The following PCDHA1 variants were observed in gnomAD, a reference collection of about 807,000 sequenced individuals.
PCDHA1 encodes the protein protocadherin alpha-1.
Under a neutral mutation model 61.3 loss-of-function variants are expected in PCDHA1, and 42 were observed. The ratio of observed to expected loss-of-function variants is 0.69; its 90% CI spans 0.54 to 0.89. The LOEUF is 0.89. Ranked by LOEUF, PCDHA1 falls within the 40% of genes least tolerant of loss-of-function variation. PCDHA1 has a pLI of 0.00. For synonymous variants in PCDHA1, 610 were observed against 553.8 expected, an observed-to-expected ratio of 1.10 and a Z score of -1.43; for missense variants, 1,256 against 1,235.3, an observed-to-expected ratio of 1.02 and a Z score of -0.25.
At chr5:140,960,764 A>C (rs1383623742) in intron 1 of PCDHA1, among the ~76,000 whole-genome samples, 7 of 152,164 alleles carry the variant, frequency 4.6e-5, no homozygotes, top group African/African-American at 1.7e-4. Flanking sequence ...CAAGAGTTAC[A>C]GAGGAGAAAT....
At chr5:140,829,296 A>G in intron 1 of PCDHA1, 6 of 1,614,222 alleles carry the variant, frequency 3.7e-6, no homozygotes, top group Non-Finnish European at 5.1e-6. Context: ...TCCACCTTCA[A>G]GAATTACTAC....
intron 1 of PCDHA1, chr5:140,882,163 GC>G: frequency 6.6e-7 from 1 of 1,509,690 alleles, no homozygotes; most frequent in Non-Finnish European, 8.9e-7. Flanking sequence ...AATACCTCTT[GC>G]GAATCCTTCC....
chr5:140,821,197 A>G (rs1554128037), intron 1 of PCDHA1, among the ~76,000 whole-genome samples: 1 of 152,198 alleles, frequency 6.6e-6, no homozygotes, highest in Non-Finnish European at 1.5e-5. Flanking sequence ...AAAAAACTCA[A>G]AAGTTTTAAT....
At chr5:140,841,515 G>T (rs2150317088) in intron 1 of PCDHA1, 6 of 1,606,628 alleles carry the variant, frequency 3.7e-6, no homozygotes, top group Middle Eastern at 3.5e-4. Context: ...CGCCTGTTCC[G>T]GGTGGCGTCC....
intron 1 of PCDHA1, chr5:140,877,824 A>G (rs1554170141): frequency 1.9e-6 from 3 of 1,602,118 alleles, no homozygotes; most frequent in Non-Finnish European, 2.6e-6. Flanking sequence ...AAGATTGTTT[A>G]AATCCTCCCA....
At chr5:140,853,047 T>C in intron 1 of PCDHA1, 1 of 270,060 alleles carries the variant, frequency 3.7e-6, no homozygotes, top group Non-Finnish European at 5.9e-6. Context: ...CCCGCCTAAT[T>C]TTTTTGTATT....
intron 1 of PCDHA1, among the ~76,000 whole-genome samples, chr5:140,938,314 T>C (rs1026606524): frequency 2.0e-5 from 3 of 152,220 alleles, no homozygotes; most frequent in Non-Finnish European, 2.9e-5. Flanking sequence ...AGTATAAAAT[T>C]GAATAGAAGT....
In PCDHA1 at chr5:140,847,905, T is replaced by C. The variant is rs2150241062; in HGVS notation, c.2394+59221T>C. 2 of 150,078 alleles carry C rather than the reference T, an allele frequency of 1.3e-5. 1 individual carries two copies. The highest frequency in any genetic ancestry group is 4.2e-4 in the South Asian group (2 of 4,724). The allele number at this position is 150,078 out of a possible 1,614,324, so 9.3% of individuals were successfully genotyped here. A position where few individuals can be genotyped will look rare whatever the true frequency, so the allele number is the denominator to read the frequency against. ...AGTTTCTTTTTCATCAGTAGATTTC[T>C]GGGCTCCTATATTCACTAGAGATTG... is the stretch of plus-strand genomic sequence containing the variant. On this transcript the variant is annotated intron_variant, in intron 1 of 3. Coordinates refer to ENST00000504120, the MANE Select transcript of PCDHA1 (RefSeq NM_018900.4).
intron 1 of PCDHA1, among the ~76,000 whole-genome samples, chr5:140,920,771 G>A (rs1256445366): frequency 6.6e-6 from 1 of 151,698 alleles, no homozygotes; most frequent in African/African-American, 2.4e-5. Context: ...TTACACCTGG[G>A]AGGTGGAGGT....
rs140986120 is a variant in PCDHA1 at position 140,846,525 on chromosome 5, C to A, written c.2394+57841C>A. On this transcript the variant is annotated intron_variant, in intron 1 of 3. Coordinates refer to ENST00000504120, the MANE Select transcript of PCDHA1 (RefSeq NM_018900.4). ...AAGTAGCTGGGATTACAGGTGCATG[C>A]CACCATGCCCTGCTAATTTTTTGTA... 3.4e-5 allele frequency among the ~76,000 whole-genome samples: 5 copies of A among 148,378 alleles called. 1 individual carries two copies. The highest frequency in any genetic ancestry group is 1.2e-4 in the African/African-American group (5 of 40,594).
chr5:140,927,702 C>T (rs533775539), intron 1 of PCDHA1: 2 of 1,614,210 alleles, frequency 1.2e-6, no homozygotes, highest in South Asian at 1.1e-5. Flanking sequence ...AAGTCCAGTA[C>T]TCCCTAAGCA....
chr5:140,908,861 T>C (rs1554193539), intron 1 of PCDHA1, among the ~76,000 whole-genome samples: 1 of 152,160 alleles, frequency 6.6e-6, no homozygotes, highest in Admixed American at 6.5e-5. Flanking sequence ...AAATGAGGAA[T>C]GTGTTGCCTC....
intron 3 of PCDHA1, among the ~76,000 whole-genome samples, chr5:140,982,945 G>A (rs2097017253): frequency 6.6e-6 from 1 of 151,722 alleles, no homozygotes; most frequent in Non-Finnish European, 1.5e-5. Flanking sequence ...TTTGGTTGAA[G>A]ACTATGGAAA....
intron 1 of PCDHA1, among the ~76,000 whole-genome samples, chr5:140,946,432 A>C (rs1254032204): frequency 6.6e-6 from 1 of 151,682 alleles, no homozygotes; most frequent in Admixed American, 6.6e-5. Context: ...GTTACTCAAA[A>C]ATTGAGACTA....
rs79215949 is a variant in PCDHA1 at position 140,921,420 on chromosome 5, C to T, written c.2395-57529C>T. Among the ~76,000 whole-genome samples, 1,220 of 152,204 alleles carry T rather than the reference C, an allele frequency of 8.0e-3. 6 individuals carry two copies. The highest frequency in any genetic ancestry group is 0.019 in the African/African-American group (786 of 41,526). On this transcript the variant is annotated intron_variant, in intron 1 of 3. Coordinates refer to ENST00000504120, the MANE Select transcript of PCDHA1 (RefSeq NM_018900.4). Reference sequence around the variant, plus strand: ...ACTAGATTTTCCTCTGTGCTGCAGACAAAAATTTTCTTCAATGGTGTCTGA... The same window carrying T: ...ACTAGATTTTCCTCTGTGCTGCAGATAAAAATTTTCTTCAATGGTGTCTGA...
intron 3 of PCDHA1, among the ~76,000 whole-genome samples, chr5:140,997,668 T>G (rs2097778117): frequency 6.7e-6 from 1 of 148,344 alleles, no homozygotes; most frequent in African/African-American, 2.5e-5. Flanking sequence ...ATTATACAGC[T>G]TGTGTGTGTG....
In PCDHA1 at chr5:140,849,917, C is replaced by A. The variant is rs2150457519; in HGVS notation, c.2394+61233C>A. ...AGAACAACCCGCCGGGCTGCCACATCTTCACGGTGTCTGCGCGGGACGCTG... is the reference window on the plus strand; with the variant it reads ...AGAACAACCCGCCGGGCTGCCACATATTCACGGTGTCTGCGCGGGACGCTG... On this transcript the variant is annotated intron_variant, in intron 1 of 3. Coordinates refer to ENST00000504120, the MANE Select transcript of PCDHA1 (RefSeq NM_018900.4). 7 of 1,598,228 alleles carry A rather than the reference C, an allele frequency of 4.4e-6. No individual in the cohort carries two copies. In the South Asian group the frequency reaches 7.7e-5, roughly 18 times the overall value.
At chr5:141,008,863 C>A (rs902385521) in intron 3 of PCDHA1, among the ~76,000 whole-genome samples, 2 of 152,204 alleles carry the variant, frequency 1.3e-5, no homozygotes, top group African/African-American at 2.4e-5. Flanking sequence ...CTCTTCCATG[C>A]TGCATCCCAC....
intron 1 of PCDHA1, chr5:140,822,088 C>A (rs2150113619): frequency 6.2e-7 from 1 of 1,614,256 alleles, no homozygotes; most frequent in Non-Finnish European, 8.5e-7. Flanking sequence ...CAGCATCCAC[C>A]TGGAGGTGAT....
Sources: gnomAD v4.1 joint callset for allele counts (sites outside exome capture counted in the v4.1 genomes callset) on GRCh38, gnomAD v4.1.1 for gene constraint, MANE v1.5 for transcripts, NCBI Gene and HGNC (gene_info 2026-07-23, HGNC 2026-07-21) for gene names.